Variants in CPXM2 observed in about 807,000 individuals in gnomAD.
The protein encoded by CPXM2 is inactive carboxypeptidase-like protein X2.
Under a neutral mutation model 86.1 loss-of-function variants are expected in CPXM2, and 66 were observed. The observed-to-expected ratio is 0.77, with a 90% CI of 0.63 to 0.94. CPXM2 has a LOEUF of 0.94. Among genes scored for constraint, CPXM2 ranks in the 40% least tolerant of loss-of-function variants. The pLI, the probability that CPXM2 is intolerant of heterozygous loss-of-function variation, is 0.00. For missense variants in CPXM2, 948 were observed against 1,026.3 expected, an observed-to-expected ratio of 0.92 and a Z score of 1.04; for synonymous variants, 388 against 400.2, an observed-to-expected ratio of 0.97 and a Z score of 0.36.
chr10:123,878,527 G>A lies in CPXM2; in HGVS notation c.403+1684C>T, dbSNP rs1050712845. Among the ~76,000 whole-genome samples the A allele has an allele frequency of 8.6e-3, 1,294 of 150,978 alleles. 18 individuals are homozygous for A. The highest frequency in any genetic ancestry group is 0.03 in the African/African-American group (1,219 of 41,076). ...CAGACGTGTGTGTGTGTGTGTGTGT[G>A]TGTGTGTGTGTGTGTGTGTAATTGA... On this transcript the variant is annotated intron_variant, in intron 2 of 13. Coordinates refer to ENST00000241305, the MANE Select transcript of CPXM2 (RefSeq NM_198148.3).
chr10:123,850,594 G>A (rs914342578), intron 3 of CPXM2, among the ~76,000 whole-genome samples: 24 of 152,292 alleles, frequency 1.6e-4, no homozygotes, highest in East Asian at 1.2e-3. Flanking sequence ...CTGGTATTGC[G>A]GTGCTTGTGT....
intron 10 of CPXM2, among the ~76,000 whole-genome samples, chr10:123,764,495 AT>A (rs11301134): frequency 0.065 from 9,841 of 151,070 alleles, 467 homozygotes; most frequent in East Asian, 0.27. Flanking sequence ...ATGTATTATA[AT>A]TTTTTTTTGA....
In CPXM2 at chr10:123,936,712, G is replaced by A. The variant is rs116201754; in HGVS notation, n.174+2765C>T. ...CTTTCCTCAAGTCTCACACCCTGCG[G>A]CACTTTCCTCTCCACTCTCCCTTTG... On this transcript the variant is annotated intron_variant and non_coding_transcript_variant, in intron 2 of 19. Coordinates refer to the CPXM2 transcript ENST00000368854. Among the ~76,000 whole-genome samples the A allele has an allele frequency of 7.7e-3, 1,178 of 152,146 alleles. 14 individuals are homozygous for A. Among genetic ancestry groups the A allele is most frequent in the African/African-American group, 0.027 (1,112 of 41,506 alleles).
rs945856165 is a variant in CPXM2, at chr10:123,750,308, C to T, written c.2018-3291G>A. 5.1e-6 allele frequency: 5 copies of T among 984,942 alleles called. No individual in the cohort carries two copies. In the African/African-American group the frequency reaches 7.0e-5, roughly 14 times the overall value. The allele number at this position is 984,942 out of a possible 1,614,324, so 61.0% of individuals were successfully genotyped here. A position where few individuals can be genotyped will look rare whatever the true frequency, so the allele number is the denominator to read the frequency against. On this transcript the variant is annotated intron_variant, in intron 13 of 13. Transcript: ENST00000241305. Reference sequence around the variant, plus strand: ...GCTCAGTGCTTAGAGCAAAACCCAACGCAGGTCCTGGGGGCCCCTTCCACA... The same window carrying T: ...GCTCAGTGCTTAGAGCAAAACCCAATGCAGGTCCTGGGGGCCCCTTCCACA...
intron 2 of CPXM2, among the ~76,000 whole-genome samples, chr10:123,929,004 C>T (rs1278402906): frequency 2.6e-5 from 4 of 152,300 alleles, no homozygotes; most frequent in Admixed American, 2.6e-4. Flanking sequence ...CAGGGGGGCA[C>T]TCCTACAGGG....
At chr10:123,863,443 G>A (rs1423995126) in intron 2 of CPXM2, among the ~76,000 whole-genome samples, 3 of 152,176 alleles carry the variant, frequency 2.0e-5, no homozygotes, top group African/African-American at 7.2e-5. Flanking sequence ...TGTGCAGCAG[G>A]CATGCCAACC....
At chr10:123,895,112 C>CTTTTTTTTCTTTTTTTTTTTTT (rs1945325225), upstream of CPXM2, among the ~76,000 whole-genome samples, 1 of 111,678 alleles carries the variant, frequency 9.0e-6, no homozygotes, top group Non-Finnish European at 1.9e-5. Context: ...TTTTTTTTTT[C>CTTTTTTTTCTTTTTTTTTTTTT]TTTTTTTTCT....
chr10:123,939,113 T>C (rs991041570), intron 2 of CPXM2, among the ~76,000 whole-genome samples: 3 of 152,172 alleles, frequency 2.0e-5, no homozygotes, highest in Admixed American at 6.5e-5. Flanking sequence ...CAGAGCCAAC[T>C]GTGAGCAGTG....
chr10:123,805,944 C>T (rs530748811), intron 4 of CPXM2, among the ~76,000 whole-genome samples: 2 of 152,144 alleles, frequency 1.3e-5, no homozygotes, highest in African/African-American at 4.8e-5. Context: ...GTCCATTTAC[C>T]CCTCCAGCTT....
At chr10:123,920,494 CT>C (rs1265021261) in intron 2 of CPXM2, among the ~76,000 whole-genome samples, 1 of 152,096 alleles carries the variant, frequency 6.6e-6, no homozygotes, top group Non-Finnish European at 1.5e-5. Flanking sequence ...AAACAGTGTT[CT>C]TGCAATTATG....
chr10:123,880,000 G>C (rs907470879), intron 2 of CPXM2, among the ~76,000 whole-genome samples: 8 of 152,234 alleles, frequency 5.3e-5, no homozygotes, highest in Non-Finnish European at 1.2e-4. Context: ...CTGGCTGTGA[G>C]TAGTGAGGCA....
intron 2 of CPXM2, among the ~76,000 whole-genome samples, chr10:123,868,907 T>C (rs1166076016): frequency 6.6e-6 from 1 of 152,118 alleles, no homozygotes; most frequent in African/African-American, 2.4e-5. Context: ...TAGAACTCCA[T>C]CGACTTTAAA....
rs181431658 is a variant in CPXM2 at position 123,775,533 on chromosome 10, T to C, written c.979-4494A>G. On this transcript the variant is annotated intron_variant, in intron 7 of 13. Coordinates refer to ENST00000241305, the MANE Select transcript of CPXM2 (RefSeq NM_198148.3). Reference sequence around the variant, plus strand: ...CCTTGACACTGGAAGAAGAAAAACATCACCTTCCCTTGAGATGCACACTTA... The same window carrying C: ...CCTTGACACTGGAAGAAGAAAAACACCACCTTCCCTTGAGATGCACACTTA... 7.2e-5 allele frequency among the ~76,000 whole-genome samples: 11 copies of C among 152,278 alleles called. No homozygotes were observed. The East Asian group carries it at 2.1e-3, about 29-fold the overall frequency.
intron 4 of CPXM2, among the ~76,000 whole-genome samples, chr10:123,821,678 AT>A (rs771308579): frequency 6.6e-6 from 1 of 151,980 alleles, no homozygotes; most frequent in Non-Finnish European, 1.5e-5. Context: ...TCCAGGGGAC[AT>A]TTGACAATGT....
chr10:123,889,170 C>T (rs576991330), intron 1 of CPXM2, among the ~76,000 whole-genome samples: 150 of 152,308 alleles, frequency 9.8e-4, no homozygotes, highest in African/African-American at 3.4e-3. Flanking sequence ...TCTGCAGACA[C>T]ATTAGTCTGT....
chr10:123,895,805 C>A (rs1481204070), upstream of CPXM2, among the ~76,000 whole-genome samples: 2 of 152,266 alleles, frequency 1.3e-5, no homozygotes, highest in East Asian at 3.9e-4. Context: ...ACCAAAGTGG[C>A]AGTTCAGAAT....
intron 2 of CPXM2, among the ~76,000 whole-genome samples, chr10:123,909,924 C>T (rs146970728): frequency 4.6e-5 from 7 of 152,280 alleles, no homozygotes; most frequent in Non-Finnish European, 7.4e-5. Flanking sequence ...TGCTGATGCA[C>T]GTGGAAACAA....
intron 2 of CPXM2, among the ~76,000 whole-genome samples, chr10:123,907,544 A>G (rs1234872985): frequency 6.9e-6 from 1 of 144,074 alleles, no homozygotes; most frequent in East Asian, 2.1e-4. Flanking sequence ...CCCTGACCCT[A>G]CTGGGGATCA....
chr10:123,850,558 T>C (rs533853020), intron 3 of CPXM2, among the ~76,000 whole-genome samples: 1 of 152,262 alleles, frequency 6.6e-6, no homozygotes, highest in Non-Finnish European at 1.5e-5. Flanking sequence ...AGTAGTCACT[T>C]AGCAGCCATC....
Sources: gnomAD v4.1 joint callset for allele counts (sites outside exome capture counted in the v4.1 genomes callset) on GRCh38, gnomAD v4.1.1 for gene constraint, MANE v1.5 for transcripts, NCBI Gene and HGNC (gene_info 2026-07-23, HGNC 2026-07-21) for gene names.